The following MGAT4C variants were observed in gnomAD, a reference collection of about 807,000 sequenced individuals.
The protein encoded by MGAT4C is alpha-1,3-mannosyl-glycoprotein 4-beta-N-acetylglucosaminyltransferase C.
A neutral mutation model predicts 40.1 loss-of-function variants in MGAT4C; 19 were observed. That is an observed-to-expected ratio of 0.47 (90% CI 0.33 to 0.70). The LOEUF (loss-of-function observed/expected upper bound fraction) is 0.70, where lower values mean the gene tolerates loss of function less well. MGAT4C is among the 30% of genes least tolerant of loss of function. The pLI is 0.02. For missense variants in MGAT4C, 491 were observed against 563.2 expected, an observed-to-expected ratio of 0.87 and a Z score of 1.30; for synonymous variants, 181 against 187.1, an observed-to-expected ratio of 0.97 and a Z score of 0.27.
At chr12:86,039,882 G>C (rs1891635205) in intron 2 of MGAT4C, among the ~76,000 whole-genome samples, 1 of 152,142 alleles carries the variant, frequency 6.6e-6, no homozygotes, top group African/African-American at 2.4e-5. Flanking sequence ...GATCTTTGAA[G>C]TCAGTGACTT....
chr12:86,514,105 C>CACACACACA (rs1485999871), intron 2 of MGAT4C, among the ~76,000 whole-genome samples: 1 of 149,404 alleles, frequency 6.7e-6, no homozygotes, highest in African/African-American at 2.5e-5. Context: ...CACACACACA[C>CACACACACA]ACACAACCCC....
chr12:86,538,575 C>G (rs1366891386), intron 2 of MGAT4C, among the ~76,000 whole-genome samples: 1 of 150,400 alleles, frequency 6.6e-6, no homozygotes, highest in East Asian at 1.9e-4. Context: ...TTCATATTAA[C>G]GTTATGGTGT....
At chr12:86,524,126 T>C (rs1958840539) in intron 2 of MGAT4C, among the ~76,000 whole-genome samples, 1 of 152,200 alleles carries the variant, frequency 6.6e-6, no homozygotes, top group Admixed American at 6.5e-5. Context: ...TTTGATCCTG[T>C]CATCATGATG....
intron 1 of MGAT4C, among the ~76,000 whole-genome samples, chr12:86,113,521 C>T (rs1389978990): frequency 6.6e-6 from 1 of 151,234 alleles, no homozygotes; most frequent in Non-Finnish European, 1.5e-5. Flanking sequence ...AAAATTAAAG[C>T]ATAAAAAAGA....
chr12:86,069,205 C>A (rs1384419306), intron 1 of MGAT4C, among the ~76,000 whole-genome samples: 1 of 151,948 alleles, frequency 6.6e-6, no homozygotes, highest in Non-Finnish European at 1.5e-5. Flanking sequence ...TTATAGTGTA[C>A]CTTGCTTATT....
rs796900033 is a variant in MGAT4C at position 86,676,273 on chromosome 12, G to A, written c.-229+50936C>T. 9.9e-5 allele frequency among the ~76,000 whole-genome samples: 15 copies of A among 152,214 alleles called. 1 individual carries two copies. Among genetic ancestry groups the A allele is most frequent in the African/African-American group, 3.1e-4 (13 of 41,560 alleles). ...GGATATTTAGGGAAATTTCAAGTAC[G>A]CAGTTCAATATGAGTGCCCTGTAGA... On this transcript the variant is annotated intron_variant, in intron 2 of 7. Transcript: ENST00000548651.
intron 4 of MGAT4C, among the ~76,000 whole-genome samples, chr12:86,292,264 AT>A (rs2136129274): frequency 6.6e-6 from 1 of 152,156 alleles, no homozygotes; most frequent in South Asian, 2.1e-4. Context: ...AAAAATTATA[AT>A]TTTATAATGA....
intron 1 of MGAT4C, among the ~76,000 whole-genome samples, chr12:86,214,630 G>A (rs1950599330): frequency 2.6e-5 from 4 of 152,134 alleles, no homozygotes; most frequent in Non-Finnish European, 5.9e-5. Context: ...GGTAGAAAGA[G>A]AGATCCTTTC....
chr12:86,787,059 T>G (rs1951941928), intron 1 of MGAT4C, among the ~76,000 whole-genome samples: 2 of 152,144 alleles, frequency 1.3e-5, no homozygotes, highest in Admixed American at 6.6e-5. Context: ...GTTACATGGA[T>G]ATATTACATA....
At chr12:86,480,011 A>G (rs931613880) in intron 2 of MGAT4C, among the ~76,000 whole-genome samples, 1 of 151,906 alleles carries the variant, frequency 6.6e-6, no homozygotes, top group Admixed American at 6.6e-5. Flanking sequence ...AATACATAAT[A>G]CCCTAAATAA....
intron 2 of MGAT4C, among the ~76,000 whole-genome samples, chr12:86,686,842 G>A (rs943760619): frequency 6.6e-6 from 1 of 152,218 alleles, no homozygotes; most frequent in Admixed American, 6.5e-5. Flanking sequence ...TGATGATACT[G>A]TCCTCATACA....
At chr12:86,408,130 A>C (rs766541391) in intron 3 of MGAT4C, among the ~76,000 whole-genome samples, 2 of 151,902 alleles carry the variant, frequency 1.3e-5, no homozygotes, top group African/African-American at 2.4e-5. Flanking sequence ...AGAAATGACC[A>C]AATCTCTTGT....
chr12:86,720,042 TC>T, intron 2 of MGAT4C, among the ~76,000 whole-genome samples: 1 of 152,222 alleles, frequency 6.6e-6, no homozygotes, highest in South Asian at 2.1e-4. Context: ...ATAAAACATG[TC>T]TTAATTTAAA....
chr12:86,774,352 TCCCCTCTCTCTCTC>T (rs1951710491), intron 1 of MGAT4C, among the ~76,000 whole-genome samples: 2 of 55,656 alleles, frequency 3.6e-5, no homozygotes, highest in African/African-American at 6.0e-5. Context: ...TCTCTCTCTC[TCCCCTCTCTCTCTC>T]TCTCTTTCTG....
intron 2 of MGAT4C, among the ~76,000 whole-genome samples, chr12:86,723,133 TTAC>T (rs928912991): frequency 6.6e-6 from 1 of 152,212 alleles, no homozygotes; most frequent in Non-Finnish European, 1.5e-5. Flanking sequence ...ACATTGTCTC[TTAC>T]TACTCTGAAT....
Position 86,158,450 on chromosome 12 carries a change from A to C in MGAT4C, c.-57+97789T>G, listed in dbSNP as rs544683892. Among the ~76,000 whole-genome samples the C allele has an allele frequency of 1.6e-4, 25 of 152,324 alleles. No homozygotes were observed. In the South Asian group the frequency reaches 5.0e-3, roughly 30 times the overall value. ...ATAAAATATTGAAATATAATTGTTA[A>C]AGGTATGGAATATGTAAATGTTCAA... is the stretch of plus-strand genomic sequence containing the variant. On this transcript the variant is annotated intron_variant, in intron 1 of 4. Coordinates refer to ENST00000611864, the MANE Select transcript of MGAT4C (RefSeq NM_001351288.2).
At chr12:85,994,772 A>G (rs749033053) in intron 2 of MGAT4C, among the ~76,000 whole-genome samples, 1 of 152,222 alleles carries the variant, frequency 6.6e-6, no homozygotes, top group Non-Finnish European at 1.5e-5. Context: ...TTTTATTGTG[A>G]TATGAAGCAA....
chr12:86,063,509 A>T (rs1894202853), intron 1 of MGAT4C, among the ~76,000 whole-genome samples: 1 of 152,186 alleles, frequency 6.6e-6, no homozygotes, highest in Non-Finnish European at 1.5e-5. Flanking sequence ...GACAGGATCA[A>T]ATTCACACAT....
At chr12:86,792,100 C>A (rs997431191) in intron 1 of MGAT4C, among the ~76,000 whole-genome samples, 6 of 152,128 alleles carry the variant, frequency 3.9e-5, no homozygotes, top group African/African-American at 9.7e-5. Context: ...GAAGGCACTA[C>A]AAACAACTAA....
Sources: allele counts gnomAD v4.1 joint callset (sites outside exome capture counted in the v4.1 genomes callset), GRCh38; gene constraint gnomAD v4.1.1; transcripts MANE v1.5; gene names NCBI Gene and HGNC (gene_info 2026-07-23, HGNC 2026-07-21).